PVT1: variants seen among roughly 807,000 people sequenced by gnomAD.
PVT1 encodes CXCR4/PVT1 fusion.
At chr8:127,822,406 A>G (rs1171400466) in intron 2 of PVT1, among the ~76,000 whole-genome samples, 2 of 152,172 alleles carry the variant, frequency 1.3e-5, no homozygotes, top group Non-Finnish European at 2.9e-5. Context: ...GTGAAATCCC[A>G]TATCTACTAA....
chr8:128,073,817 T>C (rs2130139840), intron 5 of PVT1, among the ~76,000 whole-genome samples: 1 of 151,512 alleles, frequency 6.6e-6, no homozygotes, highest in Admixed American at 6.6e-5. Context: ...TTTTTTTTTT[T>C]AAGATGAGAA....
chr8:127,892,449 G>A (rs1586424504), intron 3 of PVT1, among the ~76,000 whole-genome samples: 1 of 152,276 alleles, frequency 6.6e-6, no homozygotes, highest in African/African-American at 2.4e-5. Context: ...CTTTGAAAAG[G>A]TCAGACAGAA....
chr8:127,883,855 AG>A (rs1815496658), intron 2 of PVT1, among the ~76,000 whole-genome samples: 2 of 152,164 alleles, frequency 1.3e-5, no homozygotes, highest in African/African-American at 2.4e-5. Context: ...CCTCTGGGGA[AG>A]GGTCAGCTGT....
chr8:127,905,049 T>G (rs1815803458), intron 3 of PVT1, among the ~76,000 whole-genome samples: 1 of 152,228 alleles, frequency 6.6e-6, no homozygotes. Flanking sequence ...GTCTATCTGC[T>G]GATAAGTCCC....
intron 2 of PVT1, among the ~76,000 whole-genome samples, chr8:127,851,636 T>C (rs1040249213): frequency 6.6e-6 from 1 of 151,856 alleles, no homozygotes; most frequent in Non-Finnish European, 1.5e-5. Context: ...AGGAGTAACC[T>C]CTCCTTGGCA....
chr8:128,024,358 C>T lies in PVT1; in HGVS notation n.912+35067C>T, dbSNP rs186148103. Among the ~76,000 whole-genome samples, 15 of 152,288 alleles carry T rather than the reference C, an allele frequency of 9.8e-5. 1 individual carries two copies. On this transcript the variant is annotated intron_variant and non_coding_transcript_variant, in intron 4 of 10. Coordinates refer to ENST00000651587, the Ensembl canonical transcript of PVT1. ...TGTCATAGTGGCTCATGCCTGTAATCCCAGCATTTCGGGGAGCAATTTGGG... is the reference window on the plus strand; with the variant it reads ...TGTCATAGTGGCTCATGCCTGTAATTCCAGCATTTCGGGGAGCAATTTGGG...
intron 5 of PVT1, among the ~76,000 whole-genome samples, chr8:128,091,584 C>T (rs77204023): frequency 0.035 from 5,389 of 152,192 alleles, 216 homozygotes; most frequent in Admixed American, 0.13. Flanking sequence ...AGAAGTGCTG[C>T]TTAGACTCTA....
At chr8:127,822,242 G>C (rs1163998511) in intron 2 of PVT1, among the ~76,000 whole-genome samples, 1 of 152,214 alleles carries the variant, frequency 6.6e-6, no homozygotes, top group East Asian at 1.9e-4. Flanking sequence ...AGGATGGAAA[G>C]ACTCAGTCTG....
intron 3 of PVT1, among the ~76,000 whole-genome samples, chr8:127,897,290 C>T (rs1266984742): frequency 1.3e-5 from 2 of 152,302 alleles, no homozygotes; most frequent in East Asian, 3.9e-4. Flanking sequence ...CTCTTCCCTA[C>T]AGCGCCTGGT....
At chr8:128,082,515 T>C (rs1400324489) in intron 5 of PVT1, among the ~76,000 whole-genome samples, 1 of 152,166 alleles carries the variant, frequency 6.6e-6, no homozygotes, top group Non-Finnish European at 1.5e-5. Context: ...CTCAAAACCA[T>C]TGCCTCCCAC....
At chr8:127,968,447 C>T (rs563605199) in intron 3 of PVT1, among the ~76,000 whole-genome samples, 70 of 152,204 alleles carry the variant, frequency 4.6e-4, no homozygotes, top group African/African-American at 1.3e-3. Context: ...ACAGCACTGA[C>T]GTGGATGCAG....
intron 3 of PVT1, among the ~76,000 whole-genome samples, chr8:127,919,409 T>C (rs1049235190): frequency 3.3e-4 from 50 of 152,326 alleles, no homozygotes; most frequent in African/African-American, 1.2e-3. Context: ...TGGAAAGTTA[T>C]TGACTTAGCG....
At chr8:127,952,093 C>T (rs564390349) in intron 3 of PVT1, among the ~76,000 whole-genome samples, 151 of 152,272 alleles carry the variant, frequency 9.9e-4, no homozygotes, top group African/African-American at 3.3e-3. Context: ...AGATTACAGA[C>T]GTGAGCCACC....
At chr8:127,986,237 A>C (rs1816968901) in intron 3 of PVT1, among the ~76,000 whole-genome samples, 1 of 152,194 alleles carries the variant, frequency 6.6e-6, no homozygotes, top group South Asian at 2.1e-4. Context: ...AGAGAGGAGA[A>C]CAGATGTTAA....
chr8:127,839,296 C>T (rs1377009926), intron 2 of PVT1, among the ~76,000 whole-genome samples: 1 of 151,994 alleles, frequency 6.6e-6, no homozygotes, highest in Non-Finnish European at 1.5e-5. Context: ...CCTGTAATTC[C>T]AGCACTTTGG....
At chr8:127,967,064 G>A (rs886106006) in intron 3 of PVT1, among the ~76,000 whole-genome samples, 1 of 152,126 alleles carries the variant, frequency 6.6e-6, no homozygotes, top group Non-Finnish European at 1.5e-5. Context: ...TAATTCGAGG[G>A]TGGCACACCT....
chr8:127,914,157 A>G (rs1563637739), intron 3 of PVT1, among the ~76,000 whole-genome samples: 1 of 151,448 alleles, frequency 6.6e-6, no homozygotes. Flanking sequence ...ACATGAAAAG[A>G]TGCTCAGTAG....
chr8:127,822,436 A>C (rs1030264222), intron 2 of PVT1, among the ~76,000 whole-genome samples: 2 of 152,030 alleles, frequency 1.3e-5, no homozygotes, highest in Non-Finnish European at 2.9e-5. Flanking sequence ...AATTAGCCAG[A>C]CGTAGTGGCG....
intron 3 of PVT1, among the ~76,000 whole-genome samples, chr8:127,963,826 G>A (rs1239435473): frequency 2.0e-5 from 3 of 152,106 alleles, no homozygotes; most frequent in African/African-American, 4.8e-5. Flanking sequence ...TTTGTCCTGC[G>A]TGCCTTGGGA....
Sources: allele counts gnomAD v4.1 joint callset (sites outside exome capture counted in the v4.1 genomes callset), GRCh38; gene constraint gnomAD v4.1.1; transcripts MANE v1.5; gene names NCBI Gene and HGNC (gene_info 2026-07-23, HGNC 2026-07-21).